RNLS: variants seen among roughly 807,000 people sequenced by gnomAD.
The protein encoded by RNLS is renalase, FAD dependent amine oxidase.
In RNLS, 39 loss-of-function variants were observed where a neutral mutation model predicts 39.8. The ratio of observed to expected loss-of-function variants is 0.98; its 90% CI spans 0.76 to 1.28. The LOEUF (loss-of-function observed/expected upper bound fraction) is 1.28, where lower values mean the gene tolerates loss of function less well. Ranked by LOEUF, RNLS falls within the 50% of genes most tolerant of loss-of-function variation. RNLS has a pLI of 0.00. For synonymous variants in RNLS, 147 were observed against 150.7 expected (o/e 0.98, Z 0.18); for missense variants, 410 against 413.3 (o/e 0.99, Z 0.07).
downstream of RNLS, among the ~76,000 whole-genome samples, chr10:88,282,310 C>T (rs1318522760): frequency 6.6e-6 from 1 of 152,024 alleles, no homozygotes; most frequent in African/African-American, 2.4e-5. Context: ...AGCATGGTGC[C>T]TGTAAATAGA....
downstream of RNLS, among the ~76,000 whole-genome samples, chr10:88,283,636 A>G (rs959736753): frequency 9.9e-5 from 15 of 152,204 alleles, no homozygotes; most frequent in Non-Finnish European, 1.8e-4. Flanking sequence ...CCCATAAAAA[A>G]GAATGAGATC....
chr10:88,304,619 A>T (rs1474852792), intron 6 of RNLS, among the ~76,000 whole-genome samples: 1 of 152,226 alleles, frequency 6.6e-6, no homozygotes, highest in Non-Finnish European at 1.5e-5. Flanking sequence ...TTTCTGAAAT[A>T]AGATGGTCAG....
At chr10:88,475,247 C>T (rs1843744163) in intron 4 of RNLS, among the ~76,000 whole-genome samples, 1 of 152,158 alleles carries the variant, frequency 6.6e-6, no homozygotes, top group Admixed American at 6.5e-5. Context: ...TTATTAGTGC[C>T]TCACACTAAA....
At chr10:88,304,596 C>T (rs1844787646) in intron 6 of RNLS, among the ~76,000 whole-genome samples, 1 of 152,056 alleles carries the variant, frequency 6.6e-6, no homozygotes, top group African/African-American at 2.4e-5. Context: ...AATCTCGGCG[C>T]TTAAAGACTG....
chr10:88,217,888 A>C, the RNLS span, among the ~76,000 whole-genome samples: 9 of 152,246 alleles, frequency 5.9e-5, no homozygotes, highest in East Asian at 1.7e-3. Context: ...AAAAATACAA[A>C]AATTAGCTGG....
chr10:88,388,875 C>T (rs1852023801), intron 4 of RNLS, among the ~76,000 whole-genome samples: 1 of 152,158 alleles, frequency 6.6e-6, no homozygotes, highest in East Asian at 1.9e-4. Context: ...TACTCAATAA[C>T]TATGTGTCGA....
chr10:88,334,008 A>G (rs997189984), intron 5 of RNLS, among the ~76,000 whole-genome samples: 1 of 152,192 alleles, frequency 6.6e-6, no homozygotes, highest in East Asian at 1.9e-4. Flanking sequence ...TACCCTGTCT[A>G]AGGTATTTTG....
chr10:88,327,958 G>C (rs1846756955), intron 5 of RNLS, among the ~76,000 whole-genome samples: 1 of 152,146 alleles, frequency 6.6e-6, no homozygotes, highest in South Asian at 2.1e-4. Flanking sequence ...ACCCAGGCTA[G>C]AGTGCAGTGG....
intron 4 of RNLS, among the ~76,000 whole-genome samples, chr10:88,448,250 A>G (rs1270608462): frequency 6.6e-6 from 1 of 152,250 alleles, no homozygotes; most frequent in Non-Finnish European, 1.5e-5. Flanking sequence ...AGTGTTTGCA[A>G]TATACTCATC....
chr10:88,366,361 G>C (rs567593489), intron 4 of RNLS, among the ~76,000 whole-genome samples: 34 of 152,084 alleles, frequency 2.2e-4, no homozygotes, highest in African/African-American at 8.2e-4. Context: ...AGTGGAACTG[G>C]GGCAAGCAGC....
At chr10:88,259,302 A>G in the RNLS span, 1 of 152,236 alleles carries the variant, frequency 6.6e-6, no homozygotes, top group African/African-American at 2.4e-5. Flanking sequence ...GGCAGAAACT[A>G]TCACATCAAT....
chr10:88,557,554 A>G (rs773451351), intron 4 of RNLS, among the ~76,000 whole-genome samples: 1 of 151,942 alleles, frequency 6.6e-6, no homozygotes, highest in Non-Finnish European at 1.5e-5. Flanking sequence ...ATTTGTGAAG[A>G]AAAAAAACAA....
chr10:88,329,327 T>C (rs1846903176), intron 5 of RNLS, among the ~76,000 whole-genome samples: 1 of 152,126 alleles, frequency 6.6e-6, no homozygotes, highest in South Asian at 2.1e-4. Context: ...TGCTGGGATG[T>C]AAGTGTGAGC....
At position 88,365,150 on chromosome 10, in the gene RNLS, C is replaced by T. The variant is rs11202732; in HGVS notation, c.527-2425G>A. On this transcript the variant is annotated intron_variant, in intron 4 of 6. Coordinates refer to ENST00000331772, the MANE Select transcript of RNLS (RefSeq NM_001031709.3). ...TAACCTTACACACCCTTGTCTATTC[C>T]AGGGGCTCTACAATTCATTCCGAGA... is the stretch of plus-strand genomic sequence containing the variant. Among the ~76,000 whole-genome samples the T allele has an allele frequency of 3.4e-4, 52 of 151,994 alleles. No homozygotes were observed. In the East Asian group the frequency reaches 9.7e-3, roughly 28 times the overall value.
At position 88,285,471 on chromosome 10, in the gene RNLS, C is replaced by T. The variant is rs1589456572; in HGVS notation, c.912G>A (p.Met304Ile). ...TNAAANCPGQ[M>I]TLHHKPFLAC... ...CAAGGAAAGGTTTGTGATGCAGAGTCATTTGGCCAGGACAGTTGGCAGCAG... is the reference window on the plus strand; with the variant it reads ...CAAGGAAAGGTTTGTGATGCAGAGTTATTTGGCCAGGACAGTTGGCAGCAG... Residue 304 changes from methionine to isoleucine, a missense_variant, in exon 7 of 7, where the codon ATG (methionine) becomes ATA (isoleucine). Physicochemically the swap from Met to Ile is conservative, Grantham distance 10. Coordinates refer to ENST00000331772, the MANE Select transcript of RNLS (RefSeq NM_001031709.3). The T allele has an allele frequency of 6.2e-7, 1 of 1,612,914 alleles. No individual in the cohort carries two copies. The highest frequency in any genetic ancestry group is 1.3e-5 in the African/African-American group (1 of 74,828).
At chr10:88,421,288 A>C (rs1854394135) in intron 4 of RNLS, among the ~76,000 whole-genome samples, 1 of 152,156 alleles carries the variant, frequency 6.6e-6, no homozygotes, top group Non-Finnish European at 1.5e-5. Flanking sequence ...TTTCTGTGTA[A>C]AGCCCTACTC....
the RNLS span, among the ~76,000 whole-genome samples, chr10:88,219,042 A>T: frequency 2.0e-5 from 3 of 152,160 alleles, no homozygotes; most frequent in African/African-American, 7.2e-5. Context: ...TGGGTAACTA[A>T]TTGTGTCCTA....
chr10:88,254,917 C>T, the RNLS span, among the ~76,000 whole-genome samples: 1 of 152,184 alleles, frequency 6.6e-6, no homozygotes, highest in Non-Finnish European at 1.5e-5. Flanking sequence ...AAACATCATG[C>T]CTTCCGAGAA....
At chr10:88,361,275 A>T (rs1849619069) in intron 5 of RNLS, among the ~76,000 whole-genome samples, 2 of 152,236 alleles carry the variant, frequency 1.3e-5, no homozygotes, top group Non-Finnish European at 2.9e-5. Flanking sequence ...TAGGGCTTCA[A>T]CCTATGTCTG....
Sources: allele counts gnomAD v4.1 joint callset (sites outside exome capture counted in the v4.1 genomes callset), GRCh38; gene constraint gnomAD v4.1.1; transcripts MANE v1.5; gene names NCBI Gene and HGNC (gene_info 2026-07-23, HGNC 2026-07-21).